Variants in UNC13B observed in about 807,000 individuals in gnomAD.
UNC13B encodes unc-13 homolog B, also known as protein unc-13 homolog B.
UNC13B carries 144 observed loss-of-function variants against 211.0 expected under a neutral mutation model. That is an observed-to-expected ratio of 0.68 (90% CI 0.60 to 0.78). The LOEUF is 0.78. Ranked by LOEUF, UNC13B falls within the 30% of genes least tolerant of loss-of-function variation. UNC13B has a pLI of 0.00. For synonymous variants in UNC13B, 709 were observed against 725.8 expected (o/e 0.98, Z 0.37); for missense variants, 1,777 against 2,002.0 (o/e 0.89, Z 2.14).
chr9:35,243,285 T>C lies in UNC13B; in HGVS notation c.395-6T>C. ...TCTTTTCTTTTTCTTCTTTTTTTTA[T>C]GGTAGATATCCCAGAGGAGGAAGCC... On this transcript the variant is annotated splice_region_variant and splice_polypyrimidine_tract_variant and intron_variant, in intron 5 of 39. Coordinates refer to ENST00000635942, the MANE Select transcript of UNC13B (RefSeq NM_001371189.2). The C allele has an allele frequency of 3.1e-6, 5 of 1,612,820 alleles. No homozygotes were observed. Among genetic ancestry groups the C allele is most frequent in the South Asian group, 1.1e-5 (1 of 91,032 alleles).
At chr9:35,177,746 G>A (rs1416572941) in intron 1 of UNC13B, among the ~76,000 whole-genome samples, 1 of 152,180 alleles carries the variant, frequency 6.6e-6, no homozygotes, top group Non-Finnish European at 1.5e-5. Flanking sequence ...GAAGAAGTGG[G>A]CCTTGCCCTC....
intron 11 of UNC13B, chr9:35,352,606 G>T: frequency 8.1e-7 from 1 of 1,232,130 alleles, no homozygotes; most frequent in Non-Finnish European, 1.0e-6. Context: ...TGAAGGCTCA[G>T]GATCAACAGA....
Position 35,302,950 on chromosome 9 carries a change from A to G in UNC13B, c.3546A>G (p.Leu1182=), listed in dbSNP as rs16932326. 0.087 allele frequency: 34,571 copies of G among 398,640 alleles called. 2,303 individuals are homozygous for G. The highest frequency in any genetic ancestry group is 0.28 in the East Asian group (7,956 of 28,060). 24.7% of individuals were successfully genotyped at this position (398,640 alleles called of 1,614,324 possible). Residue 1182 remains leucine, a synonymous_variant, in exon 9 of 40, where the codon TTA becomes TTG. Transcript: ENST00000635942. The part of the protein sequence containing the change: ...DSHHKNNTPG[L]ISGIFNLLSN... Reference sequence around the variant, plus strand: ...ATCACAAGAATAATACCCCAGGTTTAATCTCTGGAATATTTAACCTGCTAT... The same window carrying G: ...ATCACAAGAATAATACCCCAGGTTTGATCTCTGGAATATTTAACCTGCTAT...
At chr9:35,175,481 G>A (rs1821572422) in intron 1 of UNC13B, among the ~76,000 whole-genome samples, 1 of 152,198 alleles carries the variant, frequency 6.6e-6, no homozygotes. Flanking sequence ...GTTAGGGTCT[G>A]TAGCCTAGAG....
chr9:35,257,218 G>A (rs964521416), intron 6 of UNC13B, among the ~76,000 whole-genome samples: 6 of 150,936 alleles, frequency 4.0e-5, no homozygotes, highest in African/African-American at 1.2e-4. Context: ...CAGCACTTTG[G>A]GAGGCTGAGG....
Position 35,302,531 on chromosome 9 carries a change from A to G in UNC13B, c.3127A>G (p.Lys1043Glu), listed in dbSNP as rs1259739898. ...SPEDAKFNII[K>E]SDSVTNINND... ...TGAAGATGCCAAATTTAATATAATA[A>G]AGTCTGATTCAGTTACAAATATTAA... The change falls in exon 9 of 40, where the codon AAG becomes GAG. Residue 1043 changes from lysine (K) to glutamate (E), a missense_variant. Physicochemically the swap from Lys to Glu is moderately conservative, Grantham distance 56. Coordinates refer to ENST00000635942, the MANE Select transcript of UNC13B (RefSeq NM_001371189.2). 2.5e-6 allele frequency: 1 copy of G among 398,584 alleles called. No individual in the cohort carries two copies. Among genetic ancestry groups the G allele is most frequent in the Admixed American group, 4.4e-5 (1 of 22,692 alleles). 24.7% of individuals were successfully genotyped at this position (398,584 alleles called of 1,614,324 possible). A position where few individuals can be genotyped will look rare whatever the true frequency, so the allele number is the denominator to read the frequency against.
chr9:35,360,433 G>A (rs1009641006), intron 11 of UNC13B: 2 of 152,232 alleles, frequency 1.3e-5, no homozygotes, highest in Admixed American at 1.3e-4. Context: ...GGAGTTGTGA[G>A]AAATAAATGA....
chr9:35,340,098 G>GGCTGAAGGA, intron 11 of UNC13B, among the ~76,000 whole-genome samples: 1 of 152,182 alleles, frequency 6.6e-6, no homozygotes, highest in East Asian at 1.9e-4. Context: ...GCTGAAGGAT[G>GGCTGAAGGA]GGAAACTCCA....
rs548406951 is a variant in UNC13B at position 35,322,335 on chromosome 9, T to C, written c.9414+8346T>C. ...GAGACTTTAGCTCTAGAAACGGAGA[T>C]TGCGGTGGCAGCGGGTGGGTGGGTG... is the stretch of plus-strand genomic sequence containing the variant. On this transcript the variant is annotated intron_variant, in intron 11 of 39. Coordinates refer to ENST00000635942, the MANE Select transcript of UNC13B (RefSeq NM_001371189.2). Among the ~76,000 whole-genome samples the C allele has an allele frequency of 2.0e-5, 3 of 152,174 alleles. No homozygotes were observed. The East Asian group carries it at 5.8e-4, about 29-fold the overall frequency.
intron 11 of UNC13B, among the ~76,000 whole-genome samples, chr9:35,362,226 A>G (rs1245031930): frequency 2.0e-5 from 3 of 152,144 alleles, no homozygotes; most frequent in South Asian, 4.1e-4. Context: ...TAAAAAGTAC[A>G]GGGCTGAGTG....
chr9:35,190,609 G>A (rs564027327), intron 1 of UNC13B, among the ~76,000 whole-genome samples: 1 of 151,790 alleles, frequency 6.6e-6, no homozygotes, highest in African/African-American at 2.4e-5. Context: ...AGGAGTCCCC[G>A]GCTACCGGAA....
At chr9:35,319,968 C>T (rs1830659904) in intron 11 of UNC13B, among the ~76,000 whole-genome samples, 1 of 152,150 alleles carries the variant, frequency 6.6e-6, no homozygotes, top group Admixed American at 6.5e-5. Flanking sequence ...CCCTAGCTCC[C>T]ATTTATAAAT....
intron 11 of UNC13B, among the ~76,000 whole-genome samples, chr9:35,327,435 A>T (rs1267596194): frequency 1.3e-5 from 2 of 152,200 alleles, no homozygotes; most frequent in Non-Finnish European, 2.9e-5. Flanking sequence ...AAGGGACCCC[A>T]GGAAGCCTCT....
chr9:35,226,603 G>A (rs1291335518), intron 1 of UNC13B, among the ~76,000 whole-genome samples: 2 of 152,206 alleles, frequency 1.3e-5, no homozygotes, highest in African/African-American at 4.8e-5. Flanking sequence ...GCAAAGCACA[G>A]GTGTAAGACC....
intron 1 of UNC13B, among the ~76,000 whole-genome samples, chr9:35,176,284 A>G (rs1371684846): frequency 6.6e-6 from 1 of 152,138 alleles, no homozygotes; most frequent in African/African-American, 2.4e-5. Context: ...GTGGTGGCTC[A>G]TGTCTATAAT....
At chr9:35,250,815 C>T (rs539017434) in intron 6 of UNC13B, among the ~76,000 whole-genome samples, 2 of 152,210 alleles carry the variant, frequency 1.3e-5, no homozygotes, top group South Asian at 4.2e-4. Flanking sequence ...TTCTTGTCAA[C>T]ACTTGTTATT....
intron 12 of UNC13B, among the ~76,000 whole-genome samples, chr9:35,368,951 G>A (rs866289064): frequency 6.6e-6 from 1 of 152,118 alleles, no homozygotes; most frequent in Non-Finnish European, 1.5e-5. Flanking sequence ...ATGTCAATGG[G>A]ACATATCCAG....
intron 1 of UNC13B, among the ~76,000 whole-genome samples, chr9:35,204,348 C>G (rs1017016462): frequency 3.9e-5 from 6 of 152,186 alleles, no homozygotes; most frequent in African/African-American, 1.4e-4. Flanking sequence ...GGAGCCCCCC[C>G]ACAGAGTCCA....
At chr9:35,311,560 A>T (rs1048081894) in intron 10 of UNC13B, among the ~76,000 whole-genome samples, 1 of 152,218 alleles carries the variant, frequency 6.6e-6, no homozygotes, top group African/African-American at 2.4e-5. Context: ...TGAAGTACTC[A>T]GAACAGTGAC....
Sources: allele counts gnomAD v4.1 joint callset (sites outside exome capture counted in the v4.1 genomes callset), GRCh38; gene constraint gnomAD v4.1.1; transcripts MANE v1.5; gene names NCBI Gene and HGNC (gene_info 2026-07-23, HGNC 2026-07-21).